The following ANKRD12 variants were observed in gnomAD, a reference collection of about 807,000 sequenced individuals.
ANKRD12 encodes ankyrin repeat domain-containing protein 12.
In ANKRD12, 85 loss-of-function variants were observed where a neutral mutation model predicts 183.4. That is an observed-to-expected ratio of 0.46 (90% CI 0.39 to 0.56). ANKRD12 has a LOEUF of 0.56. Among genes scored for constraint, ANKRD12 ranks in the 20% least tolerant of loss-of-function variants. The pLI, the probability that ANKRD12 is intolerant of heterozygous loss-of-function variation, is 0.00. For synonymous variants in ANKRD12, 914 were observed against 800.2 expected, an observed-to-expected ratio of 1.14 and a Z score of -2.40; for missense variants, 2,405 against 2,357.1, an observed-to-expected ratio of 1.02 and a Z score of -0.42.
At chr18:9,171,309 C>T (rs990493257) in intron 1 of ANKRD12, among the ~76,000 whole-genome samples, 11 of 152,186 alleles carry the variant, frequency 7.2e-5, no homozygotes, top group Non-Finnish European at 1.3e-4. Context: ...TCCTATTCGG[C>T]CATCTTGGCT....
In ANKRD12 at chr18:9,211,742, T is replaced by G; in HGVS notation, c.610T>G (p.Leu204Val). 1 of 1,613,696 alleles carries G rather than the reference T, an allele frequency of 6.2e-7. No homozygotes were observed. Among genetic ancestry groups the G allele is most frequent in the Non-Finnish European group, 8.5e-7 (1 of 1,179,768 alleles). The change falls in exon 6 of 13, where the codon TTA becomes GTA. Residue 204 changes from leucine to valine, a missense_variant. By Grantham distance (32) the Leu-to-Val change is conservative. Transcript: ENST00000262126. ...IRGDVKQVKELISLGANVNVK... is the reference protein window; with the variant it reads ...IRGDVKQVKEVISLGANVNVK... ...AGGAGATGTGAAACAAGTTAAAGAA[T>G]TAATAAGTTTAGGGGCAAATGTGAA...
chr18:9,182,574 A>T (rs2033776737), intron 2 of ANKRD12, 55 bp downstream of exon 2: 2 of 1,196,190 alleles, frequency 1.7e-6, no homozygotes, highest in African/African-American at 1.6e-5. Flanking sequence ...AAAGACTCCC[A>T]ATTAAGTATT....
rs758524406 is a variant in ANKRD12 at position 9,256,244 on chromosome 18, C to G, written c.2977C>G (p.Gln993Glu). ...AAGTATAGTAGACGGTAATAAAGCACAACATGAAAAACCCTTATCCCTTAA... is the reference window on the plus strand; with the variant it reads ...AAGTATAGTAGACGGTAATAAAGCAGAACATGAAAAACCCTTATCCCTTAA... ...KSSIVDGNKA[Q>E]HEKPLSLKEK... is the part of the protein sequence containing the mutation. Residue 993 changes from glutamine (Q) to glutamate (E), a missense_variant, in exon 9 of 13, where the codon CAA (glutamine) becomes GAA (glutamate). Physicochemically the swap from Gln to Glu is conservative, Grantham distance 29. Coordinates refer to ENST00000262126, the MANE Select transcript of ANKRD12 (RefSeq NM_015208.5). 6.2e-7 allele frequency: 1 copy of G among 1,601,254 alleles called. No individual in the cohort carries two copies. The highest frequency in any genetic ancestry group is 8.5e-7 in the Non-Finnish European group (1 of 1,176,158).
intron 7 of ANKRD12, among the ~76,000 whole-genome samples, chr18:9,221,214 A>T (rs1466119347): frequency 1.3e-5 from 2 of 152,170 alleles, no homozygotes; most frequent in Admixed American, 1.3e-4. Flanking sequence ...ACAGAGCAGA[A>T]CCTGGTTATG....
intron 2 of ANKRD12, among the ~76,000 whole-genome samples, chr18:9,193,747 A>G (rs555949279): frequency 6.6e-5 from 10 of 150,908 alleles, no homozygotes; most frequent in African/African-American, 2.5e-4. Flanking sequence ...TTTGCTTTTG[A>G]GAGTTTCTAC....
intron 7 of ANKRD12, among the ~76,000 whole-genome samples, chr18:9,219,089 TA>T (rs2036275512): frequency 6.6e-6 from 1 of 152,240 alleles, no homozygotes; most frequent in Non-Finnish European, 1.5e-5. Context: ...TAAGAACAAT[TA>T]TTTGCATTTG....
chr18:9,194,731 T>C (rs754837082), intron 2 of ANKRD12, among the ~76,000 whole-genome samples: 1 of 152,220 alleles, frequency 6.6e-6, no homozygotes, highest in Non-Finnish European at 1.5e-5. Context: ...ACATATTCAT[T>C]GGCGCTACAT....
chr18:9,214,673 A>AC (rs891901419), intron 6 of ANKRD12, among the ~76,000 whole-genome samples: 2 of 152,040 alleles, frequency 1.3e-5, no homozygotes, highest in African/African-American at 4.8e-5. Context: ...TAAAAGAAAA[A>AC]ATTGAATTGC....
At chr18:9,243,786 AACAT>A (rs754764289) in intron 8 of ANKRD12, among the ~76,000 whole-genome samples, 4 of 152,252 alleles carry the variant, frequency 2.6e-5, no homozygotes, top group Admixed American at 6.5e-5. Context: ...AAATGGACAA[AACAT>A]ACATTATCTT....
At chr18:9,156,526 G>A (rs1006601426) in intron 1 of ANKRD12, among the ~76,000 whole-genome samples, 18 of 152,104 alleles carry the variant, frequency 1.2e-4, no homozygotes, top group African/African-American at 3.9e-4. Context: ...TAGGTAAGTG[G>A]ATGAAAAGAG....
rs1202230846 is a variant in ANKRD12, at chr18:9,275,686, C to T, written c.5907+19C>T. ...CTCTCAGGTAAAATGTTTGTTGATACATTTAGAAGTAATGGTCTGAAAAAA... is the reference window on the plus strand; with the variant it reads ...CTCTCAGGTAAAATGTTTGTTGATATATTTAGAAGTAATGGTCTGAAAAAA... On this transcript the variant is annotated intron_variant, in intron 11 of 12. Coordinates refer to ENST00000262126, the MANE Select transcript of ANKRD12 (RefSeq NM_015208.5). 2 of 1,521,616 alleles carry T rather than the reference C, an allele frequency of 1.3e-6. No individual in the cohort carries two copies. Among genetic ancestry groups the T allele is most frequent in the Non-Finnish European group, 1.8e-6 (2 of 1,120,946 alleles). 94.3% of individuals were successfully genotyped at this position (1,521,616 alleles called of 1,614,324 possible).
chr18:9,154,306 C>T (rs954144294), intron 1 of ANKRD12, among the ~76,000 whole-genome samples: 1 of 152,142 alleles, frequency 6.6e-6, no homozygotes, highest in Non-Finnish European at 1.5e-5. Flanking sequence ...CCTGCAGTCT[C>T]AGCTACTTGG....
At chr18:9,240,188 A>G (rs936204790) in intron 8 of ANKRD12, among the ~76,000 whole-genome samples, 29 of 152,202 alleles carry the variant, frequency 1.9e-4, no homozygotes, top group African/African-American at 6.8e-4. Context: ...TAGCAGTTTT[A>G]TGTCATGTGT....
At position 9,211,736 on chromosome 18, in the gene ANKRD12, A is replaced by G; in HGVS notation, c.604A>G (p.Lys202Glu). Residue 202 changes from lysine (K) to glutamate (E), a missense_variant, in exon 6 of 13, where the codon AAA becomes GAA. By Grantham distance (56) the Lys-to-Glu change is moderately conservative. Around this residue, in one of 7 missense-constraint regions of ANKRD12, gnomAD observed 39 missense variants for 104.8 expected, o/e 0.37. Coordinates refer to ENST00000262126, the MANE Select transcript of ANKRD12 (RefSeq NM_015208.5). ...TATTCGAGGAGATGTGAAACAAGTT[A>G]AAGAATTAATAAGTTTAGGGGCAAA... ...AAIRGDVKQV[K>E]ELISLGANVN... The G allele has an allele frequency of 6.2e-7, 1 of 1,613,816 alleles. No individual in the cohort carries two copies. Among genetic ancestry groups the G allele is most frequent in the South Asian group, 1.1e-5 (1 of 91,076 alleles).
In ANKRD12 at chr18:9,233,643, C is replaced by T. The variant is rs137861611; in HGVS notation, c.943+11644C>T. ...CCTTTTGGCTTTGATTCTGGGTGCG[C>T]GTGATAGTGCAGTGTAATGTGTATG... On this transcript the variant is annotated intron_variant, in intron 8 of 12. Coordinates refer to ENST00000262126, the MANE Select transcript of ANKRD12 (RefSeq NM_015208.5). Among the ~76,000 whole-genome samples the T allele has an allele frequency of 4.1e-4, 63 of 152,192 alleles. No homozygotes were observed. In the East Asian group the frequency reaches 0.01, roughly 24 times the overall value.
At chr18:9,193,516 T>G (rs79110838) in intron 2 of ANKRD12, among the ~76,000 whole-genome samples, 2,161 of 152,230 alleles carry the variant, frequency 0.014, 56 homozygotes, top group African/African-American at 0.05. Context: ...AGTGGTTTTT[T>G]TTTGTTTGTT....
In ANKRD12 at chr18:9,256,589, G is replaced by C. The variant is rs1212475182; in HGVS notation, c.3322G>C (p.Glu1108Gln). ...GGAAAAAATTAAGCAAAAAGAAAAG[G>C]AACGGTTGAGAAACCGAAACTGTTT... ...HKEKIKQKEK[E>Q]RLRNRNCLEL... The change falls in exon 9 of 13, where the codon GAA (glutamate) becomes CAA (glutamine). Residue 1108 changes from glutamate to glutamine, a missense_variant. Around this residue, in one of 7 missense-constraint regions of ANKRD12, gnomAD observed 1,983 missense variants for 1,725.9 expected, o/e 1.15. Transcript: ENST00000262126. 1 of 1,601,126 alleles carries C rather than the reference G, an allele frequency of 6.2e-7. No homozygotes were observed. Among genetic ancestry groups the C allele is most frequent in the African/African-American group, 1.4e-5 (1 of 73,842 alleles).
At chr18:9,207,198 A>T (rs1163158064) in intron 4 of ANKRD12, among the ~76,000 whole-genome samples, 1 of 152,096 alleles carries the variant, frequency 6.6e-6, no homozygotes, top group Non-Finnish European at 1.5e-5. Flanking sequence ...GCTTCTCCAA[A>T]AATCTGTTTA....
At chr18:9,191,869 A>G (rs749620559) in intron 2 of ANKRD12, among the ~76,000 whole-genome samples, 2 of 152,164 alleles carry the variant, frequency 1.3e-5, no homozygotes, top group Non-Finnish European at 2.9e-5. Context: ...ACCAGGCACC[A>G]ATTAGAGAAA....
Sources: gnomAD v4.1 joint callset for allele counts (sites outside exome capture counted in the v4.1 genomes callset) on GRCh38, gnomAD v4.1.1 for gene constraint, gnomAD v4.1.1 regional missense constraint, MANE v1.5 for transcripts, NCBI Gene and HGNC (gene_info 2026-07-23, HGNC 2026-07-21) for gene names.